The following CCDC181 variants were observed in gnomAD, a reference collection of about 807,000 sequenced individuals.
CCDC181 encodes coiled-coil domain containing 181, also known as coiled-coil domain-containing protein 181.
CCDC181 carries 35 observed loss-of-function variants against 58.7 expected under a neutral mutation model. The ratio of observed to expected loss-of-function variants is 0.60; its 90% CI spans 0.46 to 0.79. CCDC181 has a LOEUF of 0.79. CCDC181 is among the 30% of genes least tolerant of loss of function. CCDC181 has a pLI of 0.00. For missense variants in CCDC181, 517 were observed against 583.9 expected, an observed-to-expected ratio of 0.89 and a Z score of 1.18; for synonymous variants, 183 against 197.5, an observed-to-expected ratio of 0.93 and a Z score of 0.62.
chr1:169,395,434 A>G (rs1253083868), intron 5 of CCDC181, among the ~76,000 whole-genome samples: 8 of 152,228 alleles, frequency 5.3e-5, no homozygotes, highest in Non-Finnish European at 8.8e-5. Context: ...CTGTCTTACA[A>G]TGAAACTGCC....
chr1:169,459,810 T>G (rs1657790491), exon 2 of CCDC181: 1 of 150,876 alleles, frequency 6.6e-6, no homozygotes, highest in Non-Finnish European at 1.5e-5. Context: ...GAATTTAAGG[T>G]CCATCTTTGT....
intron 5 of CCDC181, among the ~76,000 whole-genome samples, chr1:169,395,713 G>A (rs1389588489): frequency 6.6e-6 from 1 of 152,096 alleles, no homozygotes; most frequent in African/African-American, 2.4e-5. Flanking sequence ...AACATCAAAA[G>A]CAGGAAAGGA....
At position 169,424,937 on chromosome 1, in the gene CCDC181, G is replaced by T; in HGVS notation, c.-10C>A. 2 of 1,484,372 alleles carry T rather than the reference G, an allele frequency of 1.3e-6. No homozygotes were observed. The highest frequency in any genetic ancestry group is 1.7e-5 in the Admixed American group (1 of 58,358). 92.0% of individuals were successfully genotyped at this position (1,484,372 alleles called of 1,614,324 possible). ...CTTTATTTTCATTCATTTTCTGTTT[G>T]TGAAGGAAATATGCTGTAAGATTTT... On this transcript the variant is annotated 5_prime_UTR_variant, in exon 2 of 6. Transcript: ENST00000367806.
chr1:169,431,960 C>G (rs935296949), upstream of CCDC181, among the ~76,000 whole-genome samples: 1 of 152,034 alleles, frequency 6.6e-6, no homozygotes, highest in Non-Finnish European at 1.5e-5. Context: ...ACATTAAAGA[C>G]TAAGACATTA....
At chr1:169,405,439 G>A (rs559064346) in intron 4 of CCDC181, among the ~76,000 whole-genome samples, 1 of 152,250 alleles carries the variant, frequency 6.6e-6, no homozygotes, top group Non-Finnish European at 1.5e-5. Flanking sequence ...AAACAGCATG[G>A]TACTGGTACC....
intron 2 of CCDC181, among the ~76,000 whole-genome samples, chr1:169,455,850 A>G (rs796305507): frequency 5.9e-5 from 9 of 152,308 alleles, no homozygotes; most frequent in African/African-American, 2.2e-4. Context: ...GCACACACAC[A>G]ACTTCCTTCT....
chr1:169,417,695 G>A (rs1475903925), intron 4 of CCDC181, among the ~76,000 whole-genome samples: 1 of 152,056 alleles, frequency 6.6e-6, no homozygotes, highest in Non-Finnish European at 1.5e-5. Context: ...CTGGCAGCCA[G>A]CACCTAACCA....
At chr1:169,396,190 T>A (rs1301355552) in intron 5 of CCDC181, 1 of 152,224 alleles carries the variant, frequency 6.6e-6, no homozygotes, top group African/African-American at 2.4e-5. Flanking sequence ...GATGAAAATG[T>A]AACTTGAAAC....
At chr1:169,419,541 T>C (rs956280953) in intron 3 of CCDC181, among the ~76,000 whole-genome samples, 7 of 152,148 alleles carry the variant, frequency 4.6e-5, no homozygotes, top group Non-Finnish European at 7.4e-5. Context: ...TTCCTTTTGA[T>C]TGAACAGAAG....
intron 2 of CCDC181, among the ~76,000 whole-genome samples, chr1:169,457,371 C>A (rs1439767148): frequency 6.6e-6 from 1 of 152,106 alleles, no homozygotes; most frequent in Non-Finnish European, 1.5e-5. Flanking sequence ...AAGATCTTCT[C>A]ATTCTGTTCA....
rs1557869934 is a variant in CCDC181, at chr1:169,421,431, A to G, written c.1000T>C (p.Cys334Arg). 6.2e-7 allele frequency: 1 copy of G among 1,613,918 alleles called. No individual in the cohort carries two copies. Among genetic ancestry groups the G allele is most frequent in the Admixed American group, 1.7e-5 (1 of 59,982 alleles). ...AHISPVTSTYCLSPRQKELQK... is the reference protein window; with the variant it reads ...AHISPVTSTYRLSPRQKELQK... Reference sequence around the variant, plus strand: ...AGTTCTTTCTGTCGAGGGGAAAGACAGTATGTTGAAGTCACTGGTGAGATA... The same window carrying G: ...AGTTCTTTCTGTCGAGGGGAAAGACGGTATGTTGAAGTCACTGGTGAGATA... The change falls in exon 3 of 6, where the codon TGT (cysteine) becomes CGT (arginine). Residue 334 changes from cysteine to arginine, a missense_variant. By Grantham distance (180) the Cys-to-Arg change is radical (BLOSUM62 -3). Coordinates refer to ENST00000367806, the MANE Select transcript of CCDC181 (RefSeq NM_001300969.2).
chr1:169,439,451 G>T (rs182857873), intron 2 of CCDC181, among the ~76,000 whole-genome samples: 18 of 152,136 alleles, frequency 1.2e-4, no homozygotes, highest in Non-Finnish European at 2.4e-4. Context: ...CCCCTCCCTC[G>T]TGGAACTTGT....
chr1:169,418,769 G>A (rs1277704977), intron 4 of CCDC181: 20 of 459,124 alleles, frequency 4.4e-5, no homozygotes, highest in East Asian at 4.3e-4. Flanking sequence ...TTGAAAAAAC[G>A]AATTGATAGT....
chr1:169,442,323 T>G (rs1181415670), intron 2 of CCDC181, among the ~76,000 whole-genome samples: 2 of 152,038 alleles, frequency 1.3e-5, no homozygotes, highest in African/African-American at 4.8e-5. Flanking sequence ...TAGGAGTCAA[T>G]TACTTCAACC....
chr1:169,424,277 G>A (rs1295263877), intron 2 of CCDC181, among the ~76,000 whole-genome samples: 1 of 151,826 alleles, frequency 6.6e-6, no homozygotes, highest in Non-Finnish European at 1.5e-5. Context: ...CATGCTTAAT[G>A]CATCCACTTT....
chr1:169,443,090 C>A (rs947440539), intron 2 of CCDC181: 6 of 151,248 alleles, frequency 4.0e-5, no homozygotes, highest in Admixed American at 1.3e-4. Context: ...AAACTCAAGA[C>A]CTTCTTTTTG....
chr1:169,457,844 G>T (rs1203681812), intron 2 of CCDC181, among the ~76,000 whole-genome samples: 1 of 152,120 alleles, frequency 6.6e-6, no homozygotes, highest in East Asian at 1.9e-4. Context: ...ATAGAAATCT[G>T]TGTGCCCCTT....
intron 4 of CCDC181, among the ~76,000 whole-genome samples, chr1:169,412,884 T>G (rs1656042307): frequency 6.6e-6 from 1 of 152,140 alleles, no homozygotes; most frequent in Non-Finnish European, 1.5e-5. Context: ...CAAGATGGAT[T>G]AAAGATTTAA....
chr1:169,395,221 A>C lies in CCDC181; in HGVS notation c.1371-15T>G, dbSNP rs777188551. On this transcript the variant is annotated splice_polypyrimidine_tract_variant and intron_variant, in intron 5 of 5. Transcript: ENST00000367806. ...TTCTTAACCATCTGTAGAAACAGGC[A>C]TGATCAGATTTGGTGAGTATCAACC... is the stretch of plus-strand genomic sequence containing the variant. The C allele has an allele frequency of 6.9e-6, 11 of 1,605,722 alleles. No homozygotes were observed. Among genetic ancestry groups the C allele is most frequent in the South Asian group, 6.7e-5 (6 of 89,572 alleles).
Sources: gnomAD v4.1 joint callset for allele counts (sites outside exome capture counted in the v4.1 genomes callset) on GRCh38, gnomAD v4.1.1 for gene constraint, MANE v1.5 for transcripts, NCBI Gene and HGNC (gene_info 2026-07-23, HGNC 2026-07-21) for gene names.